DPP10: variants seen among roughly 807,000 people sequenced by gnomAD.
DPP10 encodes the protein dipeptidyl peptidase like 10, also known as inactive dipeptidyl peptidase 10.
In DPP10, 33 loss-of-function variants were observed where a neutral mutation model predicts 120.9. The observed-to-expected ratio is 0.27, with a 90% confidence interval of 0.21 to 0.37. The LOEUF (loss-of-function observed/expected upper bound fraction) is 0.37, where lower values mean the gene tolerates loss of function less well. DPP10 is among the 10% of genes least tolerant of loss of function. The pLI is 1.00. For missense variants in DPP10, 816 were observed against 942.8 expected (o/e 0.87, Z 1.76); for synonymous variants, 337 against 326.1 (o/e 1.03, Z -0.36).
At chr2:114,898,156 T>C (rs1359168080) in intron 1 of DPP10, among the ~76,000 whole-genome samples, 3 of 152,204 alleles carry the variant, frequency 2.0e-5, no homozygotes, top group Non-Finnish European at 2.9e-5. Flanking sequence ...CACCATGGAA[T>C]ACTATGCAGC....
intron 5 of DPP10, among the ~76,000 whole-genome samples, chr2:115,598,421 T>C (rs1398087768): frequency 6.6e-6 from 1 of 152,038 alleles, no homozygotes; most frequent in Non-Finnish European, 1.5e-5. Context: ...TTCAATTATT[T>C]CTTTACTAGC....
At chr2:114,898,766 T>G (rs1037543426) in intron 1 of DPP10, among the ~76,000 whole-genome samples, 1 of 152,224 alleles carries the variant, frequency 6.6e-6, no homozygotes, top group Non-Finnish European at 1.5e-5. Context: ...GATATCGTGT[T>G]GCTTTTAACC....
intron 1 of DPP10, among the ~76,000 whole-genome samples, chr2:115,220,030 T>C (rs942943300): frequency 6.6e-6 from 1 of 152,208 alleles, no homozygotes; most frequent in Non-Finnish European, 1.5e-5. Flanking sequence ...GAACACTTAC[T>C]GTGATCTTTA....
At chr2:114,973,154 C>T (rs1487869111) in intron 1 of DPP10, among the ~76,000 whole-genome samples, 8 of 152,052 alleles carry the variant, frequency 5.3e-5, no homozygotes, top group African/African-American at 1.7e-4. Context: ...TGCCTAGTGA[C>T]ATCACAGCTG....
chr2:115,629,310 T>G (rs1034644815), intron 5 of DPP10, among the ~76,000 whole-genome samples: 1 of 152,250 alleles, frequency 6.6e-6, no homozygotes, highest in East Asian at 1.9e-4. Context: ...GCATGATTTA[T>G]AATCCTTTGG....
chr2:114,765,077 A>G (rs548694466), intron 1 of DPP10, among the ~76,000 whole-genome samples: 3 of 152,282 alleles, frequency 2.0e-5, no homozygotes, highest in Admixed American at 6.5e-5. Context: ...CCAGCTCTGT[A>G]TATTCCAAAG....
At chr2:115,731,354 C>CA (rs112707633) in intron 8 of DPP10, among the ~76,000 whole-genome samples, 5,004 of 112,048 alleles carry the variant, frequency 0.045, 148 homozygotes, top group East Asian at 0.11. Context: ...GACTCTGTCT[C>CA]AAAAAAAAAA....
intron 1 of DPP10, among the ~76,000 whole-genome samples, chr2:114,576,951 CAAG>C (rs1690102784): frequency 6.6e-6 from 1 of 151,554 alleles, no homozygotes; most frequent in African/African-American, 2.4e-5. Context: ...AAGAGGAAGG[CAAG>C]AAGACATAGT....
intron 1 of DPP10, among the ~76,000 whole-genome samples, chr2:114,860,905 C>T (rs1398420856): frequency 1.3e-5 from 2 of 152,110 alleles, no homozygotes; most frequent in African/African-American, 4.8e-5. Flanking sequence ...AACCAATATT[C>T]GACTTTAAAT....
chr2:114,589,325 TG>T (rs1691264506), intron 1 of DPP10, among the ~76,000 whole-genome samples: 1 of 152,302 alleles, frequency 6.6e-6, no homozygotes, highest in Non-Finnish European at 1.5e-5. Context: ...TGCTGCTCGG[TG>T]TTAACCCCCT....
chr2:115,350,012 G>T (rs1196522996), intron 3 of DPP10, among the ~76,000 whole-genome samples: 2 of 151,950 alleles, frequency 1.3e-5, no homozygotes, highest in African/African-American at 4.8e-5. Flanking sequence ...AAATAGAGTT[G>T]AATTTATATT....
intron 1 of DPP10, among the ~76,000 whole-genome samples, chr2:114,799,882 G>A (rs956793311): frequency 6.6e-6 from 1 of 152,138 alleles, no homozygotes; most frequent in Non-Finnish European, 1.5e-5. Context: ...TTGGCAGCTG[G>A]CACTATTTGA....
intron 1 of DPP10, among the ~76,000 whole-genome samples, chr2:115,039,564 T>C (rs1254035436): frequency 6.6e-6 from 1 of 151,982 alleles, no homozygotes; most frequent in African/African-American, 2.4e-5. Context: ...ACCTGGAAAA[T>C]TTTGTGTGCA....
intron 7 of DPP10, 137 bp from the exon 8 acceptor site, chr2:115,727,679 A>T: frequency 1.1e-6 from 1 of 901,068 alleles, no homozygotes; most frequent in Non-Finnish European, 1.5e-6. Flanking sequence ...CAATAAAAAC[A>T]TATGCCTTGA....
rs564306142 is a variant in DPP10 at position 115,289,573 on chromosome 2, G to A, written c.61-19666G>A. On this transcript the variant is annotated intron_variant, in intron 1 of 25. Coordinates refer to ENST00000410059, the MANE Select transcript of DPP10 (RefSeq NM_020868.6). ...TCCAAGAAAAAGAGCAAAGCTGGAG[G>A]CATCACATTAACTCATTTCCAATTG... Among the ~76,000 whole-genome samples, 227 of 149,258 alleles carry A rather than the reference G, an allele frequency of 1.5e-3. 2 individuals are homozygous for A. The highest frequency in any genetic ancestry group is 2.2e-4 in the Non-Finnish European group (15 of 67,352).
At chr2:115,587,713 A>G (rs1162690724) in intron 5 of DPP10, among the ~76,000 whole-genome samples, 1 of 152,224 alleles carries the variant, frequency 6.6e-6, no homozygotes, top group Admixed American at 6.5e-5. Context: ...TTATTCAGCC[A>G]TAGAAAAGAA....
At chr2:114,861,191 G>T (rs2106527770) in intron 1 of DPP10, among the ~76,000 whole-genome samples, 1 of 152,300 alleles carries the variant, frequency 6.6e-6, no homozygotes, top group Admixed American at 6.5e-5. Flanking sequence ...TGGGATGCAA[G>T]GCCCTGCCAG....
chr2:115,384,827 T>C (rs1574658416), intron 3 of DPP10, among the ~76,000 whole-genome samples: 1 of 152,194 alleles, frequency 6.6e-6, no homozygotes, highest in Non-Finnish European at 1.5e-5. Context: ...ATGGTTTGGC[T>C]CTTTTCTCCA....
chr2:114,978,847 G>C (rs1699913500), intron 1 of DPP10, among the ~76,000 whole-genome samples: 1 of 152,114 alleles, frequency 6.6e-6, no homozygotes, highest in Admixed American at 6.6e-5. Context: ...TGTCATGCAT[G>C]CTTGTTACCA....
Sources: gnomAD v4.1 joint callset for allele counts (sites outside exome capture counted in the v4.1 genomes callset) on GRCh38, gnomAD v4.1.1 for gene constraint, MANE v1.5 for transcripts, NCBI Gene and HGNC (gene_info 2026-07-23, HGNC 2026-07-21) for gene names.